SNX13: variants seen among roughly 807,000 people sequenced by gnomAD.
The protein encoded by SNX13 is sorting nexin 13, also known as sorting nexin-13.
In SNX13, 45 loss-of-function variants were observed where a neutral mutation model predicts 133.6. That is an observed-to-expected ratio of 0.34 (90% CI 0.27 to 0.43). The LOEUF (loss-of-function observed/expected upper bound fraction) is 0.43, where lower values mean the gene tolerates loss of function less well. SNX13 is among the 20% of genes least tolerant of loss of function. SNX13 has a pLI of 1.00. For missense variants in SNX13, 1,032 were observed against 1,145.1 expected, an observed-to-expected ratio of 0.90 and a Z score of 1.43; for synonymous variants, 414 against 373.9, an observed-to-expected ratio of 1.11 and a Z score of -1.24.
rs369618473 is a variant in SNX13 at position 17,798,709 on chromosome 7, C to T, written c.2494G>A (p.Asp832Asn). ...ATATACCTGAAACGTTTCACTGAGTCGGCTACTTGTTCAGGTGAAGTCATC... is the reference window on the plus strand; with the variant it reads ...ATATACCTGAAACGTTTCACTGAGTTGGCTACTTGTTCAGGTGAAGTCATC... ...DWMTSPEQVADSVKRFRDAFW... is the reference protein window; with the variant it reads ...DWMTSPEQVANSVKRFRDAFW... The change falls in exon 24 of 26, where the codon GAC (aspartate) becomes AAC (asparagine). Residue 832 changes from aspartate (D) to asparagine (N), a missense_variant. Coordinates refer to ENST00000428135, the MANE Select transcript of SNX13 (RefSeq NM_015132.5). The T allele has an allele frequency of 8.2e-6, 13 of 1,576,540 alleles. No individual in the cohort carries two copies. Among genetic ancestry groups the T allele is most frequent in the Admixed American group, 5.7e-5 (3 of 52,962 alleles).
At position 17,794,038 on chromosome 7, in the gene SNX13, T is replaced by C. The variant is rs375905200; in HGVS notation, c.*7A>G. On this transcript the variant is annotated 3_prime_UTR_variant, in exon 26 of 26. Coordinates refer to ENST00000428135, the MANE Select transcript of SNX13 (RefSeq NM_015132.5). ...CAAAATGAACACCAGCTTCATAGAG[T>C]GGAGTGTCACCTTTTCTGCAAAGAA... The C allele has an allele frequency of 9.3e-6, 15 of 1,610,112 alleles. No homozygotes were observed. In the African/African-American group the frequency reaches 1.7e-4, roughly 19 times the overall value.
At chr7:17,805,206 ATTCT>A (rs1184850288) in intron 20 of SNX13, among the ~76,000 whole-genome samples, 1 of 80,828 alleles carries the variant, frequency 1.2e-5, no homozygotes, top group Non-Finnish European at 2.5e-5. Flanking sequence ...TTGGCTAATG[ATTCT>A]TTGTGTGTGT....
intron 12 of SNX13, among the ~76,000 whole-genome samples, chr7:17,840,629 T>G (rs1789761109): frequency 6.6e-6 from 1 of 152,070 alleles, no homozygotes; most frequent in South Asian, 2.1e-4. Flanking sequence ...GTTTGGTAAA[T>G]GCACATTATT....
intron 2 of SNX13, among the ~76,000 whole-genome samples, 152 bp from the exon 3 acceptor site, chr7:17,893,586 T>C (rs988924822): frequency 1.3e-5 from 2 of 152,224 alleles, no homozygotes; most frequent in Admixed American, 1.3e-4. Flanking sequence ...AATTGACAGA[T>C]TGTATTAGGT....
At chr7:17,873,389 A>G (rs899087004) in intron 8 of SNX13, 139 bp downstream of exon 8, 10 of 438,136 alleles carry the variant, frequency 2.3e-5, no homozygotes, top group Middle Eastern at 4.0e-4. Flanking sequence ...TAAATATTTT[A>G]AAGAAAACTC....
chr7:17,871,330 A>T (rs1794098008), intron 8 of SNX13, among the ~76,000 whole-genome samples: 1 of 152,166 alleles, frequency 6.6e-6, no homozygotes, highest in African/African-American at 2.4e-5. Context: ...ACAGAGAAAA[A>T]AAGGACATGA....
chr7:17,794,362 T>C (rs905814148), intron 25 of SNX13, 70 bp from the exon 26 acceptor site: 38 of 1,520,538 alleles, frequency 2.5e-5, no homozygotes, highest in Non-Finnish European at 5.3e-6. Context: ...TTAAATGTTC[T>C]TAAATTAAGG....
chr7:17,795,287 G>A (rs907849547), intron 25 of SNX13: 1 of 151,524 alleles, frequency 6.6e-6, no homozygotes, highest in Admixed American at 6.6e-5. Context: ...TCATAATACT[G>A]ATAATATAGA....
At chr7:17,908,519 C>G (rs889212308) in intron 1 of SNX13, among the ~76,000 whole-genome samples, 5 of 152,142 alleles carry the variant, frequency 3.3e-5, no homozygotes, top group Non-Finnish European at 7.3e-5. Flanking sequence ...AACCTTCCCT[C>G]ATAAACACCT....
intron 11 of SNX13, among the ~76,000 whole-genome samples, chr7:17,848,226 C>T (rs150438018): frequency 1.5e-3 from 225 of 152,224 alleles, no homozygotes; most frequent in African/African-American, 4.9e-3. Flanking sequence ...TGGAGACAGC[C>T]GGACTTCAGG....
At chr7:17,843,048 G>A (rs536983217) in intron 12 of SNX13, among the ~76,000 whole-genome samples, 3 of 151,900 alleles carry the variant, frequency 2.0e-5, no homozygotes, top group Non-Finnish European at 4.4e-5. Flanking sequence ...CATAAAGCAT[G>A]TAGAAAACAA....
rs1459531066 is a variant in SNX13, at chr7:17,803,476, G to C, written c.2169C>G (p.Asp723Glu). 1 of 1,612,366 alleles carries C rather than the reference G, an allele frequency of 6.2e-7. No individual in the cohort carries two copies. Among genetic ancestry groups the C allele is most frequent in the East Asian group, 2.2e-5 (1 of 44,802 alleles). Residue 723 changes from aspartate (D) to glutamate (E), a missense_variant, in exon 21 of 26, where the codon GAC (aspartate) becomes GAG (glutamate). By Grantham distance (45) the Asp-to-Glu change is conservative (BLOSUM62 2). Transcript: ENST00000428135. ...ATCTTTCTGACATTTTGCCCATGTTGTCTGACATTTTAGTCATTCCCTCTG... is the reference window on the plus strand; with the variant it reads ...ATCTTTCTGACATTTTGCCCATGTTCTCTGACATTTTAGTCATTCCCTCTG... ...SLAEGMTKMSDNMGKMSERLG... is the reference protein window; with the variant it reads ...SLAEGMTKMSENMGKMSERLG...
intron 5 of SNX13, among the ~76,000 whole-genome samples, chr7:17,885,534 A>T (rs1320558312): frequency 6.6e-6 from 1 of 152,228 alleles, no homozygotes; most frequent in Non-Finnish European, 1.5e-5. Context: ...TCTACAGATT[A>T]TAAAAACGTT....
At chr7:17,799,408 A>G (rs1408444193) in intron 22 of SNX13, among the ~76,000 whole-genome samples, 1 of 151,818 alleles carries the variant, frequency 6.6e-6, no homozygotes. Flanking sequence ...AAGGCAAAGT[A>G]GATTCATGAT....
At chr7:17,807,700 A>G (rs1785475169) in intron 20 of SNX13, among the ~76,000 whole-genome samples, 1 of 152,150 alleles carries the variant, frequency 6.6e-6, no homozygotes, top group Non-Finnish European at 1.5e-5. Context: ...GTCGACAGAC[A>G]CCTCATACAG....
At chr7:17,860,149 T>C (rs1452475956) in intron 9 of SNX13, among the ~76,000 whole-genome samples, 1 of 152,094 alleles carries the variant, frequency 6.6e-6, no homozygotes, top group Admixed American at 6.6e-5. Flanking sequence ...CGCCAATACC[T>C]GATATTTTGT....
At chr7:17,853,608 A>C (rs966174502) in intron 9 of SNX13, among the ~76,000 whole-genome samples, 1 of 152,228 alleles carries the variant, frequency 6.6e-6, no homozygotes, top group Admixed American at 6.5e-5. Flanking sequence ...GTAAATGAAA[A>C]TATTTTCAGA....
chr7:17,797,641 T>G (rs1784200237), intron 24 of SNX13, among the ~76,000 whole-genome samples: 1 of 151,760 alleles, frequency 6.6e-6, no homozygotes, highest in Non-Finnish European at 1.5e-5. Flanking sequence ...GGCCTTTCAT[T>G]GGATTAATTA....
At chr7:17,894,254 G>A (rs1796961908) in intron 2 of SNX13, among the ~76,000 whole-genome samples, 1 of 151,578 alleles carries the variant, frequency 6.6e-6, no homozygotes, top group Non-Finnish European at 1.5e-5. Context: ...AGTGAGCCGA[G>A]ATCGCGCCAC....
Sources: gnomAD v4.1 joint callset for allele counts (sites outside exome capture counted in the v4.1 genomes callset) on GRCh38, gnomAD v4.1.1 for gene constraint, MANE v1.5 for transcripts, NCBI Gene and HGNC (gene_info 2026-07-23, HGNC 2026-07-21) for gene names.